The following LAMA1 variants were observed in gnomAD, a reference collection of about 807,000 sequenced individuals.
LAMA1 encodes laminin subunit alpha 1.
LAMA1 carries 219 observed loss-of-function variants against 348.7 expected under a neutral mutation model. That is an observed-to-expected ratio of 0.63 (90% CI 0.56 to 0.70). LAMA1 has a LOEUF of 0.70. Among genes scored for constraint, LAMA1 ranks in the 30% least tolerant of loss-of-function variants. The pLI is 0.00. For synonymous variants in LAMA1, 1,487 were observed against 1,491.0 expected (o/e 1.00, Z 0.06); for missense variants, 3,744 against 3,888.0 (o/e 0.96, Z 0.99).
intron 1 of LAMA1, among the ~76,000 whole-genome samples, chr18:7,107,911 G>A (rs2058319959): frequency 6.6e-6 from 1 of 152,056 alleles, no homozygotes; most frequent in South Asian, 2.1e-4. Flanking sequence ...CTACTCTGGA[G>A]GCTGAGGCAG....
intron 15 of LAMA1, among the ~76,000 whole-genome samples, chr18:7,032,579 C>G (rs1244494534): frequency 6.6e-6 from 1 of 152,124 alleles, no homozygotes; most frequent in Non-Finnish European, 1.5e-5. Flanking sequence ...GTGGAGCCCA[C>G]CAAAGTAAAA....
intron 53 of LAMA1, 113 bp from the exon 54 acceptor site, chr18:6,959,605 T>C: frequency 9.3e-7 from 1 of 1,072,202 alleles, no homozygotes; most frequent in South Asian, 1.3e-5. Context: ...AGTAGAGCAA[T>C]TCCTTAAGAA....
intron 36 of LAMA1, among the ~76,000 whole-genome samples, 161 bp downstream of exon 36, chr18:6,992,400 C>T (rs1165035063): frequency 6.6e-6 from 1 of 152,164 alleles, no homozygotes; most frequent in African/African-American, 2.4e-5. Flanking sequence ...GGGTCAGTAC[C>T]CATCTCTTCA....
intron 53 of LAMA1, chr18:6,960,742 G>T (rs1326466432): frequency 6.6e-6 from 1 of 151,440 alleles, no homozygotes; most frequent in East Asian, 1.9e-4. Context: ...CCTTCCCCAA[G>T]TATGTCGTGA....
chr18:6,974,850 T>C lies in LAMA1; in HGVS notation c.6623+53A>G, dbSNP rs1393334332. Reference sequence around the variant, plus strand: ...ATGATGTTACAAGCATGTAATTACTTATGAGACACACTTTAAAAAAGAGAG... The same window carrying C: ...ATGATGTTACAAGCATGTAATTACTCATGAGACACACTTTAAAAAAGAGAG... On this transcript the variant is annotated intron_variant, in intron 46 of 62. Transcript: ENST00000389658. The C allele has an allele frequency of 5.0e-6, 8 of 1,607,840 alleles. No homozygotes were observed. In the African/African-American group the frequency reaches 9.4e-5, roughly 19 times the overall value.
At chr18:7,001,728 G>C (rs1178896669) in intron 30 of LAMA1, among the ~76,000 whole-genome samples, 1 of 152,114 alleles carries the variant, frequency 6.6e-6, no homozygotes, top group Non-Finnish European at 1.5e-5. Context: ...AGGATTCTTT[G>C]ATATTCTAAT....
At chr18:7,098,572 C>T (rs2058274102) in intron 1 of LAMA1, among the ~76,000 whole-genome samples, 1 of 150,668 alleles carries the variant, frequency 6.6e-6, no homozygotes, top group African/African-American at 2.4e-5. Flanking sequence ...GCATCTCTGC[C>T]CGGCCGCCCC....
intron 1 of LAMA1, among the ~76,000 whole-genome samples, chr18:7,086,833 A>G (rs993074812): frequency 2.6e-5 from 4 of 152,146 alleles, no homozygotes; most frequent in Non-Finnish European, 2.9e-5. Flanking sequence ...TTCCTCAGCT[A>G]TTAAATGAGT....
chr18:6,955,647 C>T, intron 56 of LAMA1, 182 bp from the exon 57 acceptor site: 2 of 689,892 alleles, frequency 2.9e-6, no homozygotes, highest in Non-Finnish European at 5.3e-6. Flanking sequence ...CGCTTTATCT[C>T]CCTGAAGAAA....
In LAMA1 at chr18:7,081,778, C is replaced by T. The variant is rs371394389; in HGVS notation, c.62-1321G>A. Among the ~76,000 whole-genome samples, 167 of 152,268 alleles carry T rather than the reference C, an allele frequency of 1.1e-3. 4 individuals are homozygous for T. The South Asian group carries it at 0.033, about 30-fold the overall frequency. On this transcript the variant is annotated intron_variant, in intron 1 of 62. Transcript: ENST00000389658. ...TGGACACTGAGCTGAGAGCATACTG[C>T]GAGGGTCTCAGCTTAGTGGCGTTTC...
intron 1 of LAMA1, among the ~76,000 whole-genome samples, chr18:7,103,298 G>A (rs61022266): frequency 0.023 from 3,517 of 152,154 alleles, 91 homozygotes; most frequent in African/African-American, 0.066. Context: ...CCAGCTACTC[G>A]GGAGGCTGAG....
Position 6,965,359 on chromosome 18 carries a change from G to T in LAMA1, c.7124C>A (p.Thr2375Asn). The T allele has an allele frequency of 6.2e-7, 1 of 1,614,160 alleles. No homozygotes were observed. The highest frequency in any genetic ancestry group is 8.5e-7 in the Non-Finnish European group (1 of 1,180,014). ...VMTDLGSGPI[T>N]LLTDRRYNNG... ...GTTATAACGTCTGTCTGTCAAAAGGGTAATGGGTCCTGAACCCAGGTCAGT... is the reference window on the plus strand; with the variant it reads ...GTTATAACGTCTGTCTGTCAAAAGGTTAATGGGTCCTGAACCCAGGTCAGT... Residue 2375 changes from threonine (T) to asparagine (N), a missense_variant, in exon 50 of 63, where the codon ACC becomes AAC. Transcript: ENST00000389658.
intron 5 of LAMA1, 43 bp downstream of exon 5, chr18:7,049,035 A>C: frequency 6.4e-7 from 1 of 1,564,168 alleles, no homozygotes; most frequent in Non-Finnish European, 8.8e-7. Flanking sequence ...AAATAAAATG[A>C]ATCTTTTTAT....
Position 7,002,370 on chromosome 18 carries a change from T to C in LAMA1, c.4276A>G (p.Thr1426Ala). 14 of 1,613,652 alleles carry C rather than the reference T, an allele frequency of 8.7e-6. No individual in the cohort carries two copies. Among genetic ancestry groups the C allele is most frequent in the Non-Finnish European group, 1.2e-5 (14 of 1,180,020 alleles). The part of the protein sequence containing the change: ...TGKCLNCGDN[T>A]AGDHCDVCTS... ...CACACATCACAATGGTCACCTGCTGTGTTATCGCCACAGTTCTGGGAGCCC... is the reference window on the plus strand; with the variant it reads ...CACACATCACAATGGTCACCTGCTGCGTTATCGCCACAGTTCTGGGAGCCC... The change falls in exon 30 of 63, where the codon ACA becomes GCA. Residue 1426 changes from threonine to alanine, a missense_variant. Physicochemically the swap from Thr to Ala is moderately conservative, Grantham distance 58. Coordinates refer to ENST00000389658, the MANE Select transcript of LAMA1 (RefSeq NM_005559.4).
chr18:7,005,357 G>A (rs575993548), intron 29 of LAMA1, among the ~76,000 whole-genome samples: 27 of 152,354 alleles, frequency 1.8e-4, no homozygotes, highest in Middle Eastern at 6.8e-3. Context: ...GCCCAAAGAT[G>A]AGCAGAGCTG....
At position 6,964,700 on chromosome 18, in the gene LAMA1, C is replaced by A. The variant is rs369306891; in HGVS notation, c.7299G>T (p.Pro2433=). 4 of 1,613,964 alleles carry A rather than the reference C, an allele frequency of 2.5e-6. No individual in the cohort carries two copies. In the African/African-American group the frequency reaches 5.3e-5, roughly 22 times the overall value. The change falls in exon 51 of 63, where the codon CCG becomes CCT. Residue 2433 remains proline, a synonymous_variant. Transcript: ENST00000389658. ...SSDLNRLDKD[P]IYVGGLPRSR... ...ACCTTGGTAATCCACCCACATAAAT[C>A]GGGTCCTTGTCTAGGCGGTTGAGGT...
intron 19 of LAMA1, 123 bp downstream of exon 19, chr18:7,023,041 G>A: frequency 9.9e-7 from 1 of 1,010,052 alleles, no homozygotes; most frequent in Non-Finnish European, 1.5e-6. Context: ...CAGCATTAAT[G>A]CAAGTAACCC....
intron 10 of LAMA1, 94 bp from the exon 11 acceptor site, chr18:7,039,044 CAG>C: frequency 9.9e-7 from 1 of 1,013,738 alleles, no homozygotes; most frequent in South Asian, 1.3e-5. Flanking sequence ...CGGTGATCCA[CAG>C]AGACAGGTGA....
At chr18:7,044,669 G>T (rs187217651) in intron 7 of LAMA1, 53 bp downstream of exon 7, 1 of 1,312,910 alleles carries the variant, frequency 7.6e-7, no homozygotes, top group Non-Finnish European at 1.1e-6. Context: ...CCATAAACTT[G>T]GGACGTATTA....
Sources: gnomAD v4.1 joint callset for allele counts (sites outside exome capture counted in the v4.1 genomes callset) on GRCh38, gnomAD v4.1.1 for gene constraint, MANE v1.5 for transcripts, NCBI Gene and HGNC (gene_info 2026-07-23, HGNC 2026-07-21) for gene names.